The following RAB11FIP5 variants were observed in gnomAD, a reference collection of about 807,000 sequenced individuals.
RAB11FIP5 encodes RAB11 family interacting protein 5, also known as rab11 family-interacting protein 5.
Under a neutral mutation model 85.1 loss-of-function variants are expected in RAB11FIP5, and 48 were observed. The observed-to-expected ratio is 0.56, with a 90% confidence interval of 0.45 to 0.72. The LOEUF is 0.72. RAB11FIP5 is among the 30% of genes least tolerant of loss of function. RAB11FIP5 has a pLI of 0.00. For synonymous variants in RAB11FIP5, 729 were observed against 727.3 expected (o/e 1.00, Z -0.04); for missense variants, 1,491 against 1,687.0 (o/e 0.88, Z 2.04).
chr2:73,082,914 G>A (rs1158925065), intron 3 of RAB11FIP5, among the ~76,000 whole-genome samples: 2 of 152,204 alleles, frequency 1.3e-5, no homozygotes, highest in African/African-American at 4.8e-5. Context: ...CTGAGCCACC[G>A]TCAGAGGCAG....
In RAB11FIP5 at chr2:73,076,266, C is replaced by T. The variant is rs949527742; in HGVS notation, c.3582-84G>A. On this transcript the variant is annotated intron_variant, in intron 4 of 5. Coordinates refer to ENST00000486777, the MANE Select transcript of RAB11FIP5 (RefSeq NM_001371272.1). ...GGGGCTGCCTTCCCTGTGGAGCCTCCAGGTCTGCTGGACAGAAAGCCCAGC... is the reference window on the plus strand; with the variant it reads ...GGGGCTGCCTTCCCTGTGGAGCCTCTAGGTCTGCTGGACAGAAAGCCCAGC... 17 of 1,307,196 alleles carry T rather than the reference C, an allele frequency of 1.3e-5. No homozygotes were observed. In the African/African-American group the frequency reaches 2.3e-4, roughly 18 times the overall value. 81.0% of individuals were successfully genotyped at this position (1,307,196 alleles called of 1,614,324 possible).
chr2:73,080,541 G>A lies in RAB11FIP5; in HGVS notation c.2691C>T (p.Pro897=), dbSNP rs558590253. The A allele has an allele frequency of 3.2e-5, 40 of 1,232,616 alleles. No homozygotes were observed. The highest frequency in any genetic ancestry group is 2.5e-4 in the South Asian group (6 of 24,322). The allele number at this position is 1,232,616 out of a possible 1,614,324, so 76.4% of individuals were successfully genotyped here. The change falls in exon 4 of 6, where the codon CCC becomes CCT. Residue 897 remains proline (P), a synonymous_variant. Coordinates refer to ENST00000486777, the MANE Select transcript of RAB11FIP5 (RefSeq NM_001371272.1). ...GCGGTGGCTTGGGAGGTGGGGTGCT[G>A]GGCTGCAGCCCCTTGTCAGACACCC... ...PEWVSDKGLQ[P]STPPPKPPRL... is the part of the protein sequence containing the mutation.
Position 73,088,637 on chromosome 2 carries a change from G to C in RAB11FIP5, c.981C>G (p.His327Gln), listed in dbSNP as rs1316940435. The stretch of plus-strand genomic sequence containing the variant: ...GCGAAGAGCGGGAGGCAGCATCCAG[G>C]TGGCCCTGAAGGTCCAGAAGGGCCC... ...PPRALLDLQG[H>Q]LDAASRSSLC... Residue 327 changes from histidine to glutamine, a missense_variant, in exon 3 of 6, where the codon CAC (histidine) becomes CAG (glutamine). By Grantham distance (24) the His-to-Gln change is conservative. Coordinates refer to ENST00000486777, the MANE Select transcript of RAB11FIP5 (RefSeq NM_001371272.1). 1 of 1,613,324 alleles carries C rather than the reference G, an allele frequency of 6.2e-7. No individual in the cohort carries two copies. The highest frequency in any genetic ancestry group is 1.3e-5 in the African/African-American group (1 of 75,080).
Position 73,080,505 on chromosome 2 carries a change from T to A in RAB11FIP5, c.2727A>T (p.Thr909=). The A allele has an allele frequency of 1.6e-6, 2 of 1,232,942 alleles. No homozygotes were observed. The highest frequency in any genetic ancestry group is 2.0e-6 in the Non-Finnish European group (2 of 988,400). The allele number at this position is 1,232,942 out of a possible 1,614,324, so 76.4% of individuals were successfully genotyped here. Residue 909 remains threonine (T), a synonymous_variant, in exon 4 of 6, where the codon ACA becomes ACT. Transcript: ENST00000486777. ...TPPPKPPRLF[T]PSRSQEEEEE... Reference sequence around the variant, plus strand: ...CCTCCTCCTCCTGGGATCTTGAGGGTGTGAAGAGGCGCGGTGGCTTGGGAG... The same window carrying A: ...CCTCCTCCTCCTGGGATCTTGAGGGAGTGAAGAGGCGCGGTGGCTTGGGAG...
intron 1 of RAB11FIP5, among the ~76,000 whole-genome samples, chr2:73,095,508 G>C (rs977254224): frequency 6.6e-5 from 10 of 152,252 alleles, no homozygotes; most frequent in Admixed American, 5.2e-4. Context: ...CTGCACATGA[G>C]GGGGCTAGAG....
rs1684691641 is a variant in RAB11FIP5 at position 73,112,612 on chromosome 2, T to G, written c.166A>C (p.Ser56Arg). ...TVIQVGREKY[S>R]TSVVEKTHGC... is the part of the protein sequence containing the mutation. ...TGCGTCTTCTCCACCACCGACGTAC[T>G]GTACTTCTCGCGGCCCACCTGGATC... The change falls in exon 1 of 6, where the codon AGT becomes CGT. Residue 56 changes from serine to arginine, a missense_variant. Coordinates refer to ENST00000486777, the MANE Select transcript of RAB11FIP5 (RefSeq NM_001371272.1). 1 of 1,602,022 alleles carries G rather than the reference T, an allele frequency of 6.2e-7. No individual in the cohort carries two copies. The highest frequency in any genetic ancestry group is 1.4e-5 in the African/African-American group (1 of 73,348).
rs1425339889 is a variant in RAB11FIP5, at chr2:73,075,483, G to A, written c.*38C>T. On this transcript the variant is annotated 3_prime_UTR_variant, in exon 6 of 6. Coordinates refer to ENST00000486777, the MANE Select transcript of RAB11FIP5 (RefSeq NM_001371272.1). This position sits in a 1 kb window ranked among gnomAD's most constrained non-coding sequence, Gnocchi z 4.6. The stretch of plus-strand genomic sequence containing the variant: ...GGAGGAGAGAGGGCAGGCAGCAATA[G>A]GTCCATGCCAACCCTCCTGGGGGTA... 1 of 1,589,744 alleles carries A rather than the reference G, an allele frequency of 6.3e-7. No homozygotes were observed. Among genetic ancestry groups the A allele is most frequent in the Admixed American group, 1.7e-5 (1 of 59,968 alleles).
intron 1 of RAB11FIP5, among the ~76,000 whole-genome samples, chr2:73,107,970 A>G (rs1684564271): frequency 6.6e-6 from 1 of 152,184 alleles, no homozygotes; most frequent in Admixed American, 6.5e-5. Flanking sequence ...TACGGGATAG[A>G]TGGAAGCCCT....
chr2:73,088,733 C>T lies in RAB11FIP5; in HGVS notation c.885G>A (p.Gln295=). Residue 295 remains glutamine (Q), a synonymous_variant, in exon 3 of 6, where the codon CAG becomes CAA. Coordinates refer to ENST00000486777, the MANE Select transcript of RAB11FIP5 (RefSeq NM_001371272.1). ...LSTEGGRDSA[Q]SPKLFTHKRT... ...TCTTATGGGTGAACAGCTTGGGGGA[C>T]TGTGCAGAGTCCCTGCCTGCAGGGG... 6.2e-7 allele frequency: 1 copy of T among 1,603,750 alleles called. No homozygotes were observed. The highest frequency in any genetic ancestry group is 1.3e-5 in the African/African-American group (1 of 74,890).
At chr2:73,101,145 C>T (rs1684423296) in intron 1 of RAB11FIP5, among the ~76,000 whole-genome samples, 1 of 152,114 alleles carries the variant, frequency 6.6e-6, no homozygotes, top group South Asian at 2.1e-4. Context: ...GCTTGGCCAG[C>T]CCCTGGGAAG....
Position 73,089,872 on chromosome 2 carries a change from C to CATGT in RAB11FIP5, c.432-561_432-558dup, listed in dbSNP as rs1254657552. Reference sequence around the variant, plus strand: ...ACACAGGAATGCTAGTGCATACACTCATGTATGTATACACACACACACACA... The same window carrying CATGT: ...ACACAGGAATGCTAGTGCATACACTCATGTATGTATGTATACACACACACACACA... On this transcript the variant is annotated intron_variant, in intron 1 of 5. Coordinates refer to ENST00000486777, the MANE Select transcript of RAB11FIP5 (RefSeq NM_001371272.1). This position sits in a 1 kb window ranked among gnomAD's most constrained non-coding sequence, Gnocchi z 4.6. Among the ~76,000 whole-genome samples the CATGT allele has an allele frequency of 8.1e-6, 1 of 124,126 alleles. No homozygotes were observed. The highest frequency in any genetic ancestry group is 8.1e-5 in the Admixed American group (1 of 12,324). 81.4% of individuals were successfully genotyped at this position (124,126 alleles called of 152,430 possible). A position where few individuals can be genotyped will look rare whatever the true frequency, so the allele number is the denominator to read the frequency against.
chr2:73,104,481 T>C (rs1414720891), intron 1 of RAB11FIP5, among the ~76,000 whole-genome samples: 2 of 152,078 alleles, frequency 1.3e-5, no homozygotes, highest in Non-Finnish European at 2.9e-5. Context: ...GGCAGGAGAA[T>C]CACTTGAACC....
rs1262332704 is a variant in RAB11FIP5, at chr2:73,089,537, G to A, written c.432-222C>T. 4 of 631,358 alleles carry A rather than the reference G, an allele frequency of 6.3e-6. No individual in the cohort carries two copies. In the Admixed American group the frequency reaches 9.8e-5, roughly 15 times the overall value. The allele number at this position is 631,358 out of a possible 1,614,324, so 39.1% of individuals were successfully genotyped here. A position where few individuals can be genotyped will look rare whatever the true frequency, so the allele number is the denominator to read the frequency against. On this transcript the variant is annotated intron_variant, in intron 1 of 5. Transcript: ENST00000486777. This position sits in a 1 kb window ranked among gnomAD's most constrained non-coding sequence, Gnocchi z 4.6. ...TGATGGAGAAAACCACATCCTGAGT[G>A]GGGAAGCTCCTCGGGTGCCACCAGG...
rs1683849642 is a variant in RAB11FIP5 at position 73,075,913 on chromosome 2, G to A, written c.3771+80C>T. On this transcript the variant is annotated intron_variant, in intron 5 of 5. Transcript: ENST00000486777. The surrounding 1 kb of genome is among the most constrained non-coding windows in gnomAD (Gnocchi z 4.6). ...ATATGGGGGACCTGGCCTGCTCCCT[G>A]CCCCACCCTCACCAGGACCAAGCCC... 1 of 1,528,188 alleles carries A rather than the reference G, an allele frequency of 6.5e-7. No homozygotes were observed. Among genetic ancestry groups the A allele is most frequent in the African/African-American group, 1.4e-5 (1 of 73,108 alleles). The allele number at this position is 1,528,188 out of a possible 1,614,324, so 94.7% of individuals were successfully genotyped here.
Position 73,076,043 on chromosome 2 carries a change from C to T in RAB11FIP5, c.3721G>A (p.Val1241Met). The change falls in exon 5 of 6, where the codon GTG (valine) becomes ATG (methionine). Residue 1241 changes from valine to methionine, a missense_variant. By Grantham distance (21) the Val-to-Met change is conservative. Transcript: ENST00000486777. ...TGGCCAGCCTGGGGGGCCTGGGTCA[C>T]AGGCTGAATGCTCCCAGATGTGACT... ...KTVTSGSIQP[V>M]TQAPQAGQMV... 1.2e-6 allele frequency: 2 copies of T among 1,614,136 alleles called. No individual in the cohort carries two copies. The highest frequency in any genetic ancestry group is 2.2e-5 in the South Asian group (2 of 91,092).
chr2:73,091,047 G>A (rs1432927431), intron 1 of RAB11FIP5, among the ~76,000 whole-genome samples: 1 of 151,964 alleles, frequency 6.6e-6, no homozygotes, highest in East Asian at 1.9e-4. Context: ...AAACTGCTCT[G>A]AAAAATAGAC....
chr2:73,090,311 G>A (rs1316614603), intron 1 of RAB11FIP5, among the ~76,000 whole-genome samples: 1 of 152,184 alleles, frequency 6.6e-6, no homozygotes, highest in Non-Finnish European at 1.5e-5. Flanking sequence ...CGCCCTACTG[G>A]GGAGAGATGT....
chr2:73,093,092 C>T (rs1174807669), intron 1 of RAB11FIP5, among the ~76,000 whole-genome samples: 3 of 152,218 alleles, frequency 2.0e-5, no homozygotes, highest in African/African-American at 7.2e-5. Flanking sequence ...ACTATGAACA[C>T]TGTCGAGGGG....
At chr2:73,091,694 G>GT (rs888060123) in intron 1 of RAB11FIP5, among the ~76,000 whole-genome samples, 4 of 152,144 alleles carry the variant, frequency 2.6e-5, no homozygotes, top group Admixed American at 1.3e-4. Flanking sequence ...TAATGTTGAA[G>GT]TTTTTTTAAA....
Sources: allele counts gnomAD v4.1 joint callset (sites outside exome capture counted in the v4.1 genomes callset), GRCh38; gene constraint gnomAD v4.1.1; non-coding constraint Gnocchi (gnomAD v3.1); transcripts MANE v1.5; gene names NCBI Gene and HGNC (gene_info 2026-07-23, HGNC 2026-07-21).